Variants in TAB2 observed in about 807,000 individuals in gnomAD.
TAB2 encodes the protein TGF-beta activated kinase 1 (MAP3K7) binding protein 2, also known as TGF-beta-activated kinase 1 and MAP3K7-binding protein 2.
Under a neutral mutation model 65.0 loss-of-function variants are expected in TAB2, and 3 were observed. That is an observed-to-expected ratio of 0.05 (90% confidence interval 0.02 to 0.12). The LOEUF (loss-of-function observed/expected upper bound fraction) is 0.12. TAB2 is among the 10% of genes least tolerant of loss of function. TAB2 has a pLI of 1.00. For missense variants in TAB2, 623 were observed against 840.3 expected (o/e 0.74, Z 3.20); for synonymous variants, 298 against 285.1 (o/e 1.05, Z -0.46).
At chr6:149,313,094 A>C (rs1001472171), upstream of TAB2, among the ~76,000 whole-genome samples, 1 of 152,136 alleles carries the variant, frequency 6.6e-6, no homozygotes, top group Non-Finnish European at 1.5e-5. Context: ...CAGTTCCATC[A>C]GATTACCATC....
chr6:149,313,468 C>T (rs1779199454), upstream of TAB2, among the ~76,000 whole-genome samples: 1 of 152,188 alleles, frequency 6.6e-6, no homozygotes, highest in Non-Finnish European at 1.5e-5. Flanking sequence ...CCTCGTCACC[C>T]TTCCTCTCCT....
chr6:149,232,490 G>C (rs1325852801), intron 1 of TAB2, among the ~76,000 whole-genome samples: 4 of 152,176 alleles, frequency 2.6e-5, no homozygotes, highest in African/African-American at 9.7e-5. Context: ...GCCTCTCCAA[G>C]TGTTGAGATT....
At chr6:149,315,915 G>A (rs573804080), upstream of TAB2, among the ~76,000 whole-genome samples, 3 of 152,146 alleles carry the variant, frequency 2.0e-5, no homozygotes, top group South Asian at 6.2e-4. Context: ...ATTAAAATAC[G>A]TACATGTACA....
At chr6:149,405,208 G>C (rs1265930053) in intron 6 of TAB2, among the ~76,000 whole-genome samples, 1 of 152,158 alleles carries the variant, frequency 6.6e-6, no homozygotes, top group East Asian at 1.9e-4. Flanking sequence ...TTAAAACCCA[G>C]TGAGATACCA....
At chr6:149,247,708 G>A (rs995400482) in intron 1 of TAB2, 1 of 152,242 alleles carries the variant, frequency 6.6e-6, no homozygotes, top group African/African-American at 2.4e-5. Flanking sequence ...GGAGGTGTCT[G>A]TCTGTTATTT....
chr6:149,376,893 C>CG (rs1294620102), intron 2 of TAB2, among the ~76,000 whole-genome samples: 1 of 150,378 alleles, frequency 6.6e-6, no homozygotes, highest in Non-Finnish European at 1.5e-5. Flanking sequence ...GGTTCCCCCC[C>CG]CCCACTCTGG....
intron 6 of TAB2, among the ~76,000 whole-genome samples, chr6:149,405,074 A>G (rs1200321082): frequency 6.6e-6 from 1 of 152,218 alleles, no homozygotes; most frequent in Non-Finnish European, 1.5e-5. Context: ...AGTAATAGAA[A>G]CCAATAACCA....
intron 1 of TAB2, among the ~76,000 whole-genome samples, chr6:149,258,674 G>A (rs1778091089): frequency 6.6e-6 from 1 of 152,112 alleles, no homozygotes; most frequent in Non-Finnish European, 1.5e-5. Flanking sequence ...TCTCTTTTCA[G>A]TCTGATAAAG....
intron 3 of TAB2, among the ~76,000 whole-genome samples, chr6:149,384,411 C>T (rs1781718324): frequency 6.6e-6 from 1 of 151,988 alleles, no homozygotes; most frequent in African/African-American, 2.4e-5. Context: ...ACATCAAGAC[C>T]CCACTCATCT....
intron 1 of TAB2, among the ~76,000 whole-genome samples, chr6:149,356,658 C>T (rs550883207): frequency 4.6e-5 from 7 of 152,110 alleles, no homozygotes; most frequent in Admixed American, 6.6e-5. Flanking sequence ...TGATCACCTC[C>T]CAATACTGTC....
intron 3 of TAB2, among the ~76,000 whole-genome samples, chr6:149,390,089 G>A (rs1173664580): frequency 6.6e-6 from 1 of 152,074 alleles, no homozygotes; most frequent in Non-Finnish European, 1.5e-5. Context: ...TGCCATCTTT[G>A]AATCTTTTAT....
chr6:149,409,539 A>T lies in TAB2; in HGVS notation c.1940-38A>T, dbSNP rs959146488. 1.9e-6 allele frequency: 3 copies of T among 1,594,988 alleles called. No individual in the cohort carries two copies. In the African/African-American group the frequency reaches 4.0e-5, roughly 21 times the overall value. ...TGCCTGTAATTTTTTAGACTTTGTG[A>T]TTTTTTACTTATAAAATAATTTTTT... On this transcript the variant is annotated intron_variant, in intron 6 of 6. Transcript: ENST00000637181.
At chr6:149,351,813 T>TATAC (rs1274277778) in intron 1 of TAB2, among the ~76,000 whole-genome samples, 8 of 152,330 alleles carry the variant, frequency 5.3e-5, no homozygotes, top group African/African-American at 7.2e-5. Context: ...ATCATAATTG[T>TATAC]CTCATCTAGT....
chr6:149,280,931 CAAAAAAAAA>C (rs9322172), intron 1 of TAB2, among the ~76,000 whole-genome samples: 2 of 115,074 alleles, frequency 1.7e-5, no homozygotes, highest in Non-Finnish European at 3.6e-5. Flanking sequence ...GACCTCGTCT[CAAAAAAAAA>C]AAAAAAAAAA....
chr6:149,248,157 C>T (rs559991294), intron 1 of TAB2, among the ~76,000 whole-genome samples: 10 of 152,106 alleles, frequency 6.6e-5, no homozygotes, highest in Non-Finnish European at 1.3e-4. Flanking sequence ...TTTGGGAGGC[C>T]GAGGTGAGTG....
chr6:149,403,835 C>A (rs558721485), intron 6 of TAB2, among the ~76,000 whole-genome samples: 16 of 152,148 alleles, frequency 1.1e-4, no homozygotes, highest in African/African-American at 3.9e-4. Flanking sequence ...ATATCTCACT[C>A]ATTATTGAGA....
intron 2 of TAB2, 55 bp downstream of exon 2, chr6:149,370,154 C>T: frequency 6.9e-7 from 1 of 1,452,910 alleles, no homozygotes; most frequent in Non-Finnish European, 9.6e-7. Flanking sequence ...TTTTTTTAAA[C>T]ATTGGAAGAA....
chr6:149,369,008 T>C (rs1007881088), intron 1 of TAB2, among the ~76,000 whole-genome samples: 25 of 152,200 alleles, frequency 1.6e-4, no homozygotes, highest in African/African-American at 5.3e-4. Context: ...TTTAGGCTTA[T>C]GTTAACGAGG....
At chr6:149,350,640 T>TTTTG (rs1780459563) in intron 1 of TAB2, among the ~76,000 whole-genome samples, 1 of 113,952 alleles carries the variant, frequency 8.8e-6, no homozygotes, top group African/African-American at 3.1e-5. Context: ...TTTTTTTTTT[T>TTTTG]TAAGAGCTCA....
Sources: allele counts gnomAD v4.1 joint callset (sites outside exome capture counted in the v4.1 genomes callset), GRCh38; gene constraint gnomAD v4.1.1; transcripts MANE v1.5; gene names NCBI Gene and HGNC (gene_info 2026-07-23, HGNC 2026-07-21).